The following FKBP5 variants were observed in gnomAD, a reference collection of about 807,000 sequenced individuals.
FKBP5 encodes the protein peptidyl-prolyl cis-trans isomerase FKBP5.
Under a neutral mutation model 50.5 loss-of-function variants are expected in FKBP5, and 23 were observed. The observed-to-expected ratio is 0.46, with a 90% CI of 0.33 to 0.65. The LOEUF is 0.65. Among genes scored for constraint, FKBP5 ranks in the 30% least tolerant of loss-of-function variants. The pLI, the probability that FKBP5 is intolerant of heterozygous loss-of-function variation, is 0.02. For synonymous variants in FKBP5, 176 were observed against 190.6 expected (o/e 0.92, Z 0.63); for missense variants, 411 against 553.1 (o/e 0.74, Z 2.58).
chr6:35,607,297 T>A (rs770328668), intron 5 of FKBP5, among the ~76,000 whole-genome samples: 1 of 151,690 alleles, frequency 6.6e-6, no homozygotes. Context: ...GTGGTATAAA[T>A]GTGACTCAAA....
At chr6:35,581,315 A>C in intron 8 of FKBP5, 9 of 426,204 alleles carry the variant, frequency 2.1e-5, no homozygotes, top group Non-Finnish European at 2.8e-5. Context: ...CTCATATGAG[A>C]AACGCTGGGG....
intron 8 of FKBP5, chr6:35,582,361 A>G (rs1762459620): frequency 2.3e-6 from 2 of 883,560 alleles, no homozygotes; most frequent in Non-Finnish European, 2.7e-6. Context: ...CCCGAATGTG[A>G]TATTTGCAGA....
chr6:35,675,553 G>C (rs1294697954), intron 1 of FKBP5, among the ~76,000 whole-genome samples: 1 of 152,184 alleles, frequency 6.6e-6, no homozygotes, highest in Non-Finnish European at 1.5e-5. Flanking sequence ...CTGGGTGACA[G>C]AGAAACACTC....
chr6:35,584,069 A>T (rs1762527721), intron 8 of FKBP5: 2 of 985,440 alleles, frequency 2.0e-6, no homozygotes, highest in African/African-American at 3.5e-5. Flanking sequence ...GTCAGAAAAA[A>T]GAAAAACACT....
intron 1 of FKBP5, among the ~76,000 whole-genome samples, chr6:35,683,118 ATATGTGTGTGTG>A (rs1324835270): frequency 0.061 from 6,666 of 108,692 alleles, 451 homozygotes; most frequent in African/African-American, 0.085. Flanking sequence ...ATATATACGT[ATATGTGTGTGTG>A]TGTGTGTGTG....
intron 1 of FKBP5, among the ~76,000 whole-genome samples, chr6:35,671,937 C>T (rs569227378): frequency 1.3e-5 from 2 of 151,854 alleles, no homozygotes; most frequent in Non-Finnish European, 2.9e-5. Flanking sequence ...GGCGCGATCT[C>T]GGCTCACTGC....
Position 35,573,835 on chromosome 6 carries a change from C to T in FKBP5, c.*2000G>A, listed in dbSNP as rs1230295444. 6.6e-6 allele frequency: 1 copy of T among 152,136 alleles called. No homozygotes were observed. Among genetic ancestry groups the T allele is most frequent in the Non-Finnish European group, 1.5e-5 (1 of 68,042 alleles). The allele number at this position is 152,136 out of a possible 1,614,324, so 9.4% of individuals were successfully genotyped here. A position where few individuals can be genotyped will look rare whatever the true frequency, so the allele number is the denominator to read the frequency against. On this transcript the variant is annotated 3_prime_UTR_variant, in exon 11 of 11. Transcript: ENST00000357266. Reference sequence around the variant, plus strand: ...GCACCCTGTAGTTATTTGCTCAGAACCACTCACACACCCTTCCCCTCCCCA... The same window carrying T: ...GCACCCTGTAGTTATTTGCTCAGAATCACTCACACACCCTTCCCCTCCCCA...
At chr6:35,710,277 G>A (rs58580399) in intron 2 of FKBP5, among the ~76,000 whole-genome samples, 5,169 of 152,054 alleles carry the variant, frequency 0.034, 172 homozygotes, top group African/African-American at 0.087. Context: ...CCAGGAGTTC[G>A]AGACCAGCCT....
intron 5 of FKBP5, among the ~76,000 whole-genome samples, chr6:35,607,181 A>T (rs1242066940): frequency 2.0e-5 from 3 of 151,782 alleles, no homozygotes; most frequent in Non-Finnish European, 4.4e-5. Context: ...CAAATGATCC[A>T]CCCACCTCAG....
chr6:35,637,454 ACTCTTT>A (rs1304114099), intron 2 of FKBP5, among the ~76,000 whole-genome samples: 35 of 142,126 alleles, frequency 2.5e-4, no homozygotes, highest in African/African-American at 7.6e-4. Context: ...TTGACAGTAA[ACTCTTT>A]TTTTTTTTTT....
At chr6:35,593,686 C>T (rs1473797754) in intron 6 of FKBP5, among the ~76,000 whole-genome samples, 1 of 152,122 alleles carries the variant, frequency 6.6e-6, no homozygotes, top group Non-Finnish European at 1.5e-5. Flanking sequence ...TCCCGAGTAG[C>T]CGGAATTACA....
chr6:35,686,580 G>GC (rs755156743), intron 1 of FKBP5, among the ~76,000 whole-genome samples: 4 of 152,064 alleles, frequency 2.6e-5, no homozygotes, highest in Admixed American at 6.6e-5. Context: ...CATAGAATAA[G>GC]CCCTCCGAAC....
intron 2 of FKBP5, among the ~76,000 whole-genome samples, chr6:35,698,161 G>A (rs1766115061): frequency 6.6e-6 from 1 of 152,168 alleles, no homozygotes; most frequent in African/African-American, 2.4e-5. Context: ...TGACCAGCAT[G>A]GTGAAACACC....
intron 2 of FKBP5, among the ~76,000 whole-genome samples, chr6:35,708,395 G>T (rs1400150184): frequency 6.6e-6 from 1 of 152,038 alleles, no homozygotes; most frequent in African/African-American, 2.4e-5. Flanking sequence ...GCTGGGATGG[G>T]TGTGCACCAC....
At chr6:35,711,624 AAGGAGAGGAG>A (rs200675606) in intron 2 of FKBP5, among the ~76,000 whole-genome samples, 7 of 152,076 alleles carry the variant, frequency 4.6e-5, no homozygotes, top group African/African-American at 7.2e-5. Flanking sequence ...CTTCAAAAAA[AAGGAGAGGAG>A]AGGAGAGGAG....
At position 35,636,848 on chromosome 6, in the gene FKBP5, A is replaced by AC. The variant is rs565544196; in HGVS notation, c.250+165dup. On this transcript the variant is annotated intron_variant, in intron 3 of 10. Transcript: ENST00000357266. The stretch of plus-strand genomic sequence containing the variant: ...GTTATGAAAATAAATGACATTTGGG[A>AC]CCCCCTAAAAAGATCTCAGAGAGCC... Among the ~76,000 whole-genome samples the AC allele has an allele frequency of 3.6e-4, 55 of 152,214 alleles. 1 individual carries two copies. The highest frequency in any genetic ancestry group is 3.1e-3 in the Admixed American group (48 of 15,286).
In FKBP5 at chr6:35,620,249, A is replaced by G. The variant is rs1467317898; in HGVS notation, c.276T>C (p.Ile92=). ...GKGQVIKAWD[I]GVATMKKGEI... Reference sequence around the variant, plus strand: ...CTCCTTTCTTCATGGTAGCCACCCCAATGTCCCATGCCTTGATGACTTGGC... The same window carrying G: ...CTCCTTTCTTCATGGTAGCCACCCCGATGTCCCATGCCTTGATGACTTGGC... Residue 92 remains isoleucine, a synonymous_variant, in exon 4 of 11, where the codon ATT becomes ATC. Transcript: ENST00000357266. The G allele has an allele frequency of 1.9e-6, 3 of 1,614,104 alleles. No homozygotes were observed. Among genetic ancestry groups the G allele is most frequent in the Non-Finnish European group, 2.5e-6 (3 of 1,179,998 alleles).
intron 1 of FKBP5, among the ~76,000 whole-genome samples, chr6:35,648,515 G>GT: frequency 6.6e-6 from 1 of 152,210 alleles, no homozygotes; most frequent in South Asian, 2.1e-4. Flanking sequence ...CTGGGCTCAA[G>GT]TGATCCTCCC....
intron 5 of FKBP5, among the ~76,000 whole-genome samples, chr6:35,602,827 T>C (rs1275990615): frequency 2.0e-5 from 3 of 152,164 alleles, no homozygotes; most frequent in Non-Finnish European, 2.9e-5. Context: ...CTGAATAACA[T>C]TTATGCAAAT....
Sources: allele counts gnomAD v4.1 joint callset (sites outside exome capture counted in the v4.1 genomes callset), GRCh38; gene constraint gnomAD v4.1.1; transcripts MANE v1.5; gene names NCBI Gene and HGNC (gene_info 2026-07-23, HGNC 2026-07-21).